POLH: variants seen among roughly 807,000 people sequenced by gnomAD.
The protein encoded by POLH is DNA polymerase eta, also known as DNA polymerase eta transcript.
Under a neutral mutation model 73.6 loss-of-function variants are expected in POLH, and 53 were observed. The ratio of observed to expected loss-of-function variants is 0.72; its 90% confidence interval spans 0.58 to 0.91. The LOEUF (loss-of-function observed/expected upper bound fraction) is 0.91, where lower values mean the gene tolerates loss of function less well. Among genes scored for constraint, POLH ranks in the 40% least tolerant of loss-of-function variants. POLH has a pLI of 0.00. For synonymous variants in POLH, 292 were observed against 308.5 expected, an observed-to-expected ratio of 0.95 and a Z score of 0.56; for missense variants, 768 against 865.4, an observed-to-expected ratio of 0.89 and a Z score of 1.41.
At chr6:43,602,995 CTTT>C (rs59306548) in intron 6 of POLH, among the ~76,000 whole-genome samples, 1 of 114,022 alleles carries the variant, frequency 8.8e-6, no homozygotes. Flanking sequence ...TTATGTATTC[CTTT>C]TTTTTTTTTT....
At chr6:43,580,913 C>T (rs565611685) in intron 1 of POLH, among the ~76,000 whole-genome samples, 4,113 of 146,832 alleles carry the variant, frequency 0.028, 2 homozygotes, top group African/African-American at 0.096. Flanking sequence ...ACCTCCCTCC[C>T]GGACGGCACG....
chr6:43,589,040 G>A (rs760101614), intron 4 of POLH, among the ~76,000 whole-genome samples: 6 of 151,716 alleles, frequency 4.0e-5, no homozygotes, highest in African/African-American at 1.5e-4. Flanking sequence ...GGGTTTCACC[G>A]TGTTAGCCAA....
rs760596497 is a variant in POLH at position 43,603,920 on chromosome 6, TC to T, written c.794del (p.Ser265LeufsTer6). On this transcript the variant is annotated frameshift_variant, in exon 7 of 11. Transcript: ENST00000372236. LOFTEE classifies it high-confidence loss of function. Reference sequence around the variant, plus strand: ...TAGTCTTGGAGGAAAGCTAGGGGCCTCTGTCATTGAGATCCTAGGGATAGAA... The same window carrying T: ...TAGTCTTGGAGGAAAGCTAGGGGCCTTGTCATTGAGATCCTAGGGATAGAA... ...IRSLGGKLGASVIEILGIEYM... is the reference protein window; with the variant it reads ...IRSLGGKLGAXVIEILGIEYM... 3 of 1,613,144 alleles carry T rather than the reference TC, an allele frequency of 1.9e-6. No individual in the cohort carries two copies. The highest frequency in any genetic ancestry group is 2.5e-6 in the Non-Finnish European group (3 of 1,179,136).
intron 10 of POLH, among the ~76,000 whole-genome samples, chr6:43,612,252 C>T (rs969184687): frequency 9.9e-5 from 15 of 151,870 alleles, no homozygotes; most frequent in African/African-American, 3.6e-4. Flanking sequence ...ATACTACTCA[C>T]CAACGGTGTG....
intron 10 of POLH, among the ~76,000 whole-genome samples, chr6:43,612,270 G>A (rs1007651589): frequency 1.3e-5 from 2 of 151,492 alleles, no homozygotes; most frequent in Admixed American, 6.6e-5. Flanking sequence ...GTGAAACTCC[G>A]TGATGCACAG....
chr6:43,584,686 C>T (rs974471134), intron 3 of POLH, among the ~76,000 whole-genome samples: 2 of 152,192 alleles, frequency 1.3e-5, no homozygotes, highest in African/African-American at 4.8e-5. Flanking sequence ...AGAACACCCC[C>T]TCCTTCCTTT....
chr6:43,581,578 C>T (rs1561896178), intron 1 of POLH, among the ~76,000 whole-genome samples: 1 of 150,444 alleles, frequency 6.6e-6, no homozygotes, highest in Admixed American at 6.6e-5. Flanking sequence ...GGGGCCCGTC[C>T]GCTCCTCCAG....
At position 43,614,037 on chromosome 6, in the gene POLH, A is replaced by G; in HGVS notation, c.1622A>G (p.Gln541Arg). The G allele has an allele frequency of 6.2e-7, 1 of 1,614,182 alleles. No individual in the cohort carries two copies. The highest frequency in any genetic ancestry group is 1.1e-5 in the South Asian group (1 of 91,086). Residue 541 changes from glutamine to arginine, a missense_variant, in exon 11 of 11, where the codon CAG becomes CGG. By Grantham distance (43) the Gln-to-Arg change is conservative (BLOSUM62 1). Coordinates refer to ENST00000372236, the MANE Select transcript of POLH (RefSeq NM_006502.3). The stretch of plus-strand genomic sequence containing the variant: ...AAGCAGAAAAGTCTGCTTCTAAAGC[A>G]GAAACAGCTTAATAATTCTTCAGTT... ...FFKQKSLLLK[Q>R]KQLNNSSVSS...
intron 1 of POLH, among the ~76,000 whole-genome samples, chr6:43,581,003 A>ACCTC (rs1764110722): frequency 9.8e-6 from 1 of 101,574 alleles, no homozygotes; most frequent in African/African-American, 4.9e-5. Flanking sequence ...ACCCCCCCCC[A>ACCTC]CCTCCCTCCC....
At position 43,576,217 on chromosome 6, in the gene POLH, C is replaced by G. The variant is rs560889365; in HGVS notation, c.-228C>G. The G allele has an allele frequency of 6.4e-5, 13 of 203,642 alleles. No individual in the cohort carries two copies. Among genetic ancestry groups the G allele is most frequent in the African/African-American group, 1.9e-4 (8 of 42,962 alleles). 12.6% of individuals were successfully genotyped at this position (203,642 alleles called of 1,614,324 possible). A position where few individuals can be genotyped will look rare whatever the true frequency, so the allele number is the denominator to read the frequency against. On this transcript the variant is annotated 5_prime_UTR_variant, in exon 1 of 11. Coordinates refer to ENST00000372236, the MANE Select transcript of POLH (RefSeq NM_006502.3). ...CGGCTGCATTGCTGGGCGCGCCGCTCTCGTCTGATCCCTGCTGGGGACGGT... is the reference window on the plus strand; with the variant it reads ...CGGCTGCATTGCTGGGCGCGCCGCTGTCGTCTGATCCCTGCTGGGGACGGT...
At chr6:43,596,344 G>A (rs1470229647) in intron 4 of POLH, among the ~76,000 whole-genome samples, 4 of 152,060 alleles carry the variant, frequency 2.6e-5, no homozygotes, top group East Asian at 1.9e-4. Context: ...TTAGCTGGGC[G>A]TGGTGGCAGG....
intron 3 of POLH, among the ~76,000 whole-genome samples, chr6:43,583,938 T>C (rs1339241536): frequency 6.6e-6 from 1 of 152,058 alleles, no homozygotes; most frequent in Non-Finnish European, 1.5e-5. Flanking sequence ...CTGGGCAACA[T>C]AGGGACCAGC....
chr6:43,600,598 G>A (rs1766631540), intron 5 of POLH, among the ~76,000 whole-genome samples: 1 of 152,152 alleles, frequency 6.6e-6, no homozygotes, highest in Admixed American at 6.5e-5. Context: ...AAATGTAAAT[G>A]GGATAGGGTA....
Position 43,620,104 on chromosome 6 carries a change from A to G in POLH, c.*5547A>G, listed in dbSNP as rs1034032848. The stretch of plus-strand genomic sequence containing the variant: ...TTTAGGCTATGTAAACTTGAAAAAT[A>G]TGGGACCAGATTACCTTTTGTCTCT... On this transcript the variant is annotated 3_prime_UTR_variant, in exon 11 of 11. Transcript: ENST00000372236. 2.9e-6 allele frequency: 1 copy of G among 349,606 alleles called. No individual in the cohort carries two copies. The highest frequency in any genetic ancestry group is 5.4e-6 in the Non-Finnish European group (1 of 183,536). 21.7% of individuals were successfully genotyped at this position (349,606 alleles called of 1,614,324 possible).
chr6:43,604,315 C>G (rs1767039511), intron 7 of POLH, among the ~76,000 whole-genome samples: 1 of 152,154 alleles, frequency 6.6e-6, no homozygotes, highest in South Asian at 2.1e-4. Flanking sequence ...GTGTTTAATG[C>G]CCTAGCAAGC....
Position 43,610,699 on chromosome 6 carries a change from A to G in POLH, c.1220A>G (p.Asn407Ser), listed in dbSNP as rs772948390. ...GCATTTACTGTCATCAAGAACTGTA[A>G]TACTTCTGGAATCCAGACAGAATGG... The part of the protein sequence containing the change: ...HDAFTVIKNC[N>S]TSGIQTEWSP... Residue 407 changes from asparagine to serine, a missense_variant, in exon 10 of 11, where the codon AAT (asparagine) becomes AGT (serine). Coordinates refer to ENST00000372236, the MANE Select transcript of POLH (RefSeq NM_006502.3). The G allele has an allele frequency of 6.2e-7, 1 of 1,613,002 alleles. No homozygotes were observed.
intron 3 of POLH, among the ~76,000 whole-genome samples, chr6:43,586,469 G>A (rs893773559): frequency 2.0e-5 from 3 of 152,156 alleles, no homozygotes; most frequent in Non-Finnish European, 2.9e-5. Flanking sequence ...AGACAAGAGC[G>A]AGACTTCATC....
At chr6:43,613,155 T>C (rs1768077009) in intron 10 of POLH, among the ~76,000 whole-genome samples, 1 of 152,188 alleles carries the variant, frequency 6.6e-6, no homozygotes, top group South Asian at 2.1e-4. Flanking sequence ...AAAGCAGTTG[T>C]GGAATTTCAT....
chr6:43,595,987 A>C lies in POLH; in HGVS notation c.491-1709A>C, dbSNP rs150865754. 3.8e-3 allele frequency among the ~76,000 whole-genome samples: 581 copies of C among 152,250 alleles called. 5 individuals are homozygous for C. The highest frequency in any genetic ancestry group is 0.013 in the African/African-American group (560 of 41,558). On this transcript the variant is annotated intron_variant, in intron 4 of 10. Coordinates refer to ENST00000372236, the MANE Select transcript of POLH (RefSeq NM_006502.3). ...AGCCAAGATCATGCCACTGCACTCC[A>C]ACCTGGATGACGGAGTGTGACTCTG...
Sources: gnomAD v4.1 joint callset for allele counts (sites outside exome capture counted in the v4.1 genomes callset) on GRCh38, gnomAD v4.1.1 for gene constraint, MANE v1.5 for transcripts, NCBI Gene and HGNC (gene_info 2026-07-23, HGNC 2026-07-21) for gene names.